GPR158: variants seen among roughly 807,000 people sequenced by gnomAD.
The protein encoded by GPR158 is G protein-coupled receptor 158, also known as metabotropic glycine receptor.
Under a neutral mutation model 78.2 loss-of-function variants are expected in GPR158, and 30 were observed. That is an observed-to-expected ratio of 0.38 (90% CI 0.29 to 0.52). The LOEUF (loss-of-function observed/expected upper bound fraction) is 0.52, where lower values mean the gene tolerates loss of function less well. Among genes scored for constraint, GPR158 ranks in the 20% least tolerant of loss-of-function variants. GPR158 has a pLI of 0.83. For missense variants in GPR158, 1,463 were observed against 1,523.5 expected, an observed-to-expected ratio of 0.96 and a Z score of 0.66; for synonymous variants, 581 against 591.1, an observed-to-expected ratio of 0.98 and a Z score of 0.25.
chr10:25,324,835 T>C lies in GPR158; in HGVS notation c.1009-71076T>C, dbSNP rs74123857. On this transcript the variant is annotated intron_variant, in intron 2 of 10. Transcript: ENST00000376351. ...ATTGTATTTTCTTTTTTCTTTCTTT[T>C]TTTTTTTTTTTTTGAGACATTGAGA... is the stretch of plus-strand genomic sequence containing the variant. Among the ~76,000 whole-genome samples the C allele has an allele frequency of 3.9e-3, 564 of 143,572 alleles. 5 individuals carry two copies. The highest frequency in any genetic ancestry group is 0.014 in the African/African-American group (498 of 36,024). 94.2% of individuals were successfully genotyped at this position (143,572 alleles called of 152,430 possible).
chr10:25,283,478 G>C (rs1854304148), intron 2 of GPR158, among the ~76,000 whole-genome samples: 1 of 151,922 alleles, frequency 6.6e-6, no homozygotes, highest in Non-Finnish European at 1.5e-5. Flanking sequence ...TTGAGCAGTA[G>C]GATATAAATA....
At chr10:25,422,853 C>CT (rs1406316451) in intron 4 of GPR158, among the ~76,000 whole-genome samples, 1 of 144,782 alleles carries the variant, frequency 6.9e-6, no homozygotes, top group Non-Finnish European at 1.5e-5. Context: ...TTCCCTTACC[C>CT]CCCCCACACT....
At chr10:25,225,086 TTTG>T (rs1362140287) in intron 2 of GPR158, among the ~76,000 whole-genome samples, 3 of 152,046 alleles carry the variant, frequency 2.0e-5, no homozygotes, top group Non-Finnish European at 4.4e-5. Context: ...AGGAATGGTT[TTTG>T]TTGTTGTTGT....
At chr10:25,335,749 G>C (rs1481670428) in intron 2 of GPR158, among the ~76,000 whole-genome samples, 2 of 151,966 alleles carry the variant, frequency 1.3e-5, no homozygotes, top group Non-Finnish European at 2.9e-5. Context: ...TTGTTTCTCT[G>C]AGATGCCATT....
chr10:25,476,079 T>C (rs1329580332), intron 5 of GPR158: 1 of 152,114 alleles, frequency 6.6e-6, no homozygotes, highest in African/African-American at 2.4e-5. Flanking sequence ...TGACTAAATT[T>C]AGCATTGTTA....
chr10:25,276,033 T>C (rs1480632473), intron 2 of GPR158, among the ~76,000 whole-genome samples: 4 of 152,314 alleles, frequency 2.6e-5, no homozygotes, highest in African/African-American at 9.6e-5. Flanking sequence ...TCTGTTTCTA[T>C]TTATTGTTAA....
chr10:25,260,972 C>G (rs1175347050), intron 2 of GPR158, among the ~76,000 whole-genome samples: 1 of 152,176 alleles, frequency 6.6e-6, no homozygotes, highest in African/African-American at 2.4e-5. Context: ...GTGTGAACAT[C>G]TATTCTGCTA....
intron 4 of GPR158, among the ~76,000 whole-genome samples, chr10:25,461,701 C>T (rs972032145): frequency 6.6e-6 from 1 of 151,560 alleles, no homozygotes. Flanking sequence ...TGAAATAGCC[C>T]TCTACTGGAA....
intron 2 of GPR158, among the ~76,000 whole-genome samples, chr10:25,233,323 A>G (rs370862327): frequency 3.3e-5 from 5 of 152,310 alleles, no homozygotes; most frequent in East Asian, 1.9e-4. Flanking sequence ...AATTATTTCC[A>G]TAGATTTTAT....
intron 5 of GPR158, among the ~76,000 whole-genome samples, chr10:25,475,155 T>G (rs1184660977): frequency 6.6e-6 from 1 of 152,068 alleles, no homozygotes; most frequent in Non-Finnish European, 1.5e-5. Flanking sequence ...GAGATTCAAT[T>G]TTAAAAGATA....
At chr10:25,458,885 A>C (rs1385819728) in intron 4 of GPR158, among the ~76,000 whole-genome samples, 4 of 152,144 alleles carry the variant, frequency 2.6e-5, no homozygotes, top group African/African-American at 9.7e-5. Context: ...TATTGCTGAG[A>C]ATTCTCCTAA....
At chr10:25,399,086 G>A (rs554627030) in intron 3 of GPR158, among the ~76,000 whole-genome samples, 54 of 152,186 alleles carry the variant, frequency 3.5e-4, no homozygotes, top group Non-Finnish European at 3.2e-4. Context: ...GGCTAGAGAG[G>A]CTTCAGGAAA....
Position 25,599,159 on chromosome 10 carries a change from C to A in GPR158, c.3533C>A (p.Thr1178Asn), listed in dbSNP as rs758867401. The A allele has an allele frequency of 6.2e-7, 1 of 1,610,904 alleles. No homozygotes were observed. Residue 1178 changes from threonine to asparagine, a missense_variant, in exon 11 of 11, where the codon ACC (threonine) becomes AAC (asparagine). Thr to Asn is a moderately conservative substitution (Grantham distance 65). Transcript: ENST00000376351. ...RAEVCPWEFE[T>N]PAQPNAGRSV... is the part of the protein sequence containing the mutation. ...GAGGTTTGTCCTTGGGAGTTTGAGA[C>A]CCCAGCTCAACCAAATGCTGGAAGA... is the stretch of plus-strand genomic sequence containing the variant.
intron 2 of GPR158, among the ~76,000 whole-genome samples, chr10:25,249,493 C>G (rs1292336060): frequency 6.6e-6 from 1 of 151,522 alleles, no homozygotes; most frequent in Non-Finnish European, 1.5e-5. Flanking sequence ...CCCATCAATA[C>G]CTAATTTATT....
chr10:25,572,818 G>T lies in GPR158; in HGVS notation c.1684G>T (p.Gly562Trp). 1 of 1,613,928 alleles carries T rather than the reference G, an allele frequency of 6.2e-7. No individual in the cohort carries two copies. Among genetic ancestry groups the T allele is most frequent in the African/African-American group, 1.3e-5 (1 of 74,998 alleles). Reference protein sequence around the residue: ...LEKQISLIGQGKTSDHLIFNM... With the variant: ...LEKQISLIGQWKTSDHLIFNM... ...GAAACAGATTTCACTTATTGGCCAG[G>T]GGAAAACATCCGATCACCTCATCTT... The change falls in exon 7 of 11, where the codon GGG (glycine) becomes TGG (tryptophan). Residue 562 changes from glycine to tryptophan, a missense_variant. Coordinates refer to ENST00000376351, the MANE Select transcript of GPR158 (RefSeq NM_020752.3).
At chr10:25,501,098 A>G (rs1835941555) in intron 5 of GPR158, among the ~76,000 whole-genome samples, 2 of 152,146 alleles carry the variant, frequency 1.3e-5, no homozygotes. Context: ...AGGGAAGATC[A>G]GGGACTCCGA....
intron 5 of GPR158, among the ~76,000 whole-genome samples, chr10:25,490,534 T>C (rs1387989680): frequency 2.8e-5 from 4 of 142,232 alleles, no homozygotes; most frequent in Admixed American, 7.5e-5. Flanking sequence ...TGAGTGAGAA[T>C]ATGCGGTGTT....
intron 2 of GPR158, among the ~76,000 whole-genome samples, chr10:25,292,291 T>C (rs1420868570): frequency 6.6e-6 from 1 of 152,150 alleles, no homozygotes; most frequent in African/African-American, 2.4e-5. Context: ...TGAATCAGTT[T>C]TCTATAATGC....
chr10:25,178,506 A>G (rs1025390603), intron 1 of GPR158, among the ~76,000 whole-genome samples: 4 of 152,224 alleles, frequency 2.6e-5, no homozygotes, highest in East Asian at 1.9e-4. Flanking sequence ...GGCTGAGGAC[A>G]CAAAGAGTCT....
Sources: allele counts gnomAD v4.1 joint callset (sites outside exome capture counted in the v4.1 genomes callset), GRCh38; gene constraint gnomAD v4.1.1; transcripts MANE v1.5; gene names NCBI Gene and HGNC (gene_info 2026-07-23, HGNC 2026-07-21).